The following IRX1 variants were observed in gnomAD, a reference collection of about 807,000 sequenced individuals.
IRX1 encodes the protein iroquois-class homeodomain protein IRX-1.
In IRX1, 22 loss-of-function variants were observed where a neutral mutation model predicts 34.1. The ratio of observed to expected loss-of-function variants is 0.64; its 90% CI spans 0.46 to 0.92. The LOEUF (loss-of-function observed/expected upper bound fraction) is 0.92, where lower values mean the gene tolerates loss of function less well. Among genes scored for constraint, IRX1 ranks in the 40% least tolerant of loss-of-function variants. IRX1 has a pLI of 0.00. For synonymous variants in IRX1, 363 were observed against 319.0 expected, an observed-to-expected ratio of 1.14 and a Z score of -1.47; for missense variants, 758 against 680.0, an observed-to-expected ratio of 1.11 and a Z score of -1.28.
At position 3,599,226 on chromosome 5, in the gene IRX1, G is replaced by A. The variant is rs772362933; in HGVS notation, c.278G>A (p.Gly93Asp). 1.2e-6 allele frequency: 2 copies of A among 1,611,126 alleles called. No homozygotes were observed. The highest frequency in any genetic ancestry group is 1.1e-5 in the South Asian group (1 of 90,938). The change falls in exon 2 of 4, where the codon GGC becomes GAC. Residue 93 changes from glycine to aspartate, a missense_variant and splice_region_variant. Gly to Asp is a moderately conservative substitution (Grantham distance 94). Transcript: ENST00000302006. The surrounding 1 kb of genome is among the most constrained non-coding windows in gnomAD (Gnocchi z 6.6). ...GATGGATCTGCCCTGTGGCTTCAGG[G>A]CTCGCAGTATGAACTGAAGGACAAC... ...AADLSLFSQM[G>D]SQYELKDNPG... is the part of the protein sequence containing the mutation.
chr5:3,596,549 A>T (rs1743702391), intron 1 of IRX1, among the ~76,000 whole-genome samples, 168 bp downstream of exon 1: 2 of 151,370 alleles, frequency 1.3e-5, no homozygotes, highest in African/African-American at 4.9e-5. Context: ...CCGGGGACGC[A>T]AGAGGGCTGG....
Position 3,601,240 on chromosome 5 carries a change from C to G in IRX1, c.*200C>G. The G allele has an allele frequency of 1.7e-6, 1 of 603,944 alleles. No individual in the cohort carries two copies. Among genetic ancestry groups the G allele is most frequent in the Non-Finnish European group, 2.9e-6 (1 of 339,098 alleles). 37.4% of individuals were successfully genotyped at this position (603,944 alleles called of 1,614,324 possible). A position where few individuals can be genotyped will look rare whatever the true frequency, so the allele number is the denominator to read the frequency against. ...CGCGTCCAGGTGGCCAGGCCTCTGCCGGCGGCTCCAGTGGCTGCGATTATC... is the reference window on the plus strand; with the variant it reads ...CGCGTCCAGGTGGCCAGGCCTCTGCGGGCGGCTCCAGTGGCTGCGATTATC... On this transcript the variant is annotated 3_prime_UTR_variant, in exon 4 of 4. Coordinates refer to ENST00000302006, the MANE Select transcript of IRX1 (RefSeq NM_024337.4).
intron 2 of IRX1, 86 bp from the exon 3 acceptor site, chr5:3,600,523 A>T (rs1180547479): frequency 2.4e-6 from 3 of 1,264,160 alleles, no homozygotes; most frequent in Non-Finnish European, 3.4e-6. Flanking sequence ...CTGCCTGGGC[A>T]GCCGGCAGAA....
rs976102129 is a variant in IRX1 at position 3,600,239 on chromosome 5, C to T, written c.1291C>T (p.Arg431Cys). Residue 431 changes from arginine to cysteine, a missense_variant, in exon 2 of 4, where the codon CGC (arginine) becomes TGC (cysteine). Around this residue, in one of 3 missense-constraint regions of IRX1, gnomAD observed 529 missense variants for 418.8 expected, o/e 1.26. Coordinates refer to ENST00000302006, the MANE Select transcript of IRX1 (RefSeq NM_024337.4). ...ACTCAATGGAGACAAGGCCTCGGTC[C>T]GCAGCAGCCCCACGCTCCCAGGTAC... ...GALNGDKASV[R>C]SSPTLPERDL... 9 of 1,599,228 alleles carry T rather than the reference C, an allele frequency of 5.6e-6. No homozygotes were observed. The highest frequency in any genetic ancestry group is 5.0e-5 in the Admixed American group (3 of 59,458).
chr5:3,600,671 G>A lies in IRX1; in HGVS notation c.1375G>A (p.Val459Ile), dbSNP rs754244292. ...GCAGTTAAAGTCGCCCTTCCAGCCG[G>A]TACGCGACAAGTGAGTGCTGTTTGC... is the stretch of plus-strand genomic sequence containing the variant. ...AQQLKSPFQP[V>I]RDNSLAPQEG... The change falls in exon 3 of 4, where the codon GTA becomes ATA. Residue 459 changes from valine to isoleucine, a missense_variant. Around this residue, in one of 3 missense-constraint regions of IRX1, gnomAD observed 529 missense variants for 418.8 expected, o/e 1.26. Coordinates refer to ENST00000302006, the MANE Select transcript of IRX1 (RefSeq NM_024337.4). The A allele has an allele frequency of 1.6e-5, 25 of 1,612,490 alleles. No individual in the cohort carries two copies. The highest frequency in any genetic ancestry group is 2.1e-5 in the Non-Finnish European group (25 of 1,179,066).
chr5:3,600,180 C>T lies in IRX1; in HGVS notation c.1232C>T (p.Pro411Leu). 4 of 1,612,130 alleles carry T rather than the reference C, an allele frequency of 2.5e-6. No individual in the cohort carries two copies. In the South Asian group the frequency reaches 4.4e-5, roughly 18 times the overall value. Residue 411 changes from proline to leucine, a missense_variant, in exon 2 of 4, where the codon CCA becomes CTA. Physicochemically the swap from Pro to Leu is moderately conservative, Grantham distance 98 (BLOSUM62 -3). This residue lies in a region of IRX1 where 529 missense variants were observed against 418.8 expected (regional missense o/e 1.26). Transcript: ENST00000302006. The stretch of plus-strand genomic sequence containing the variant: ...GGCCCTCACCTTCCTGCACCTCCAC[C>T]ACCGCAGCCGCCGGTCGCTATTGCC... ...PHGPHLPAPPPPQPPVAIAPG... is the reference protein window; with the variant it reads ...PHGPHLPAPPLPQPPVAIAPG...
In IRX1 at chr5:3,596,075, G is replaced by A. The variant is rs1355747484; in HGVS notation, c.-31G>A. The stretch of plus-strand genomic sequence containing the variant: ...CTCCCTCCCCGCGCCTTTAATACTC[G>A]CCCGCTGCGGCGGTCGCCGAGTCCG... On this transcript the variant is annotated 5_prime_UTR_variant, in exon 1 of 4. Coordinates refer to ENST00000302006, the MANE Select transcript of IRX1 (RefSeq NM_024337.4). 1 of 1,056,890 alleles carries A rather than the reference G, an allele frequency of 9.5e-7. No individual in the cohort carries two copies. The highest frequency in any genetic ancestry group is 1.1e-6 in the Non-Finnish European group (1 of 875,880). 65.5% of individuals were successfully genotyped at this position (1,056,890 alleles called of 1,614,324 possible).
At position 3,601,064 on chromosome 5, in the gene IRX1, CGGGGGGGAGG is replaced by C; in HGVS notation, c.*29_*38del. On this transcript the variant is annotated 3_prime_UTR_variant, in exon 4 of 4. Transcript: ENST00000302006. Reference sequence around the variant, plus strand: ...GATTAAGGGTCTTCTTTTACTTTTGCGGGGGGGAGGGGGGAGGAGTTGGGGAGGGAGGGAA... The same window carrying C: ...GATTAAGGGTCTTCTTTTACTTTTGCGGGGAGGAGTTGGGGAGGGAGGGAA... 3.0e-6 allele frequency: 3 copies of C among 984,420 alleles called. No individual in the cohort carries two copies. Among genetic ancestry groups the C allele is most frequent in the Non-Finnish European group, 4.2e-6 (3 of 716,690 alleles). 61.0% of individuals were successfully genotyped at this position (984,420 alleles called of 1,614,324 possible).
In IRX1 at chr5:3,600,625, C is replaced by T; in HGVS notation, c.1329C>T (p.Pro443=). The T allele has an allele frequency of 6.2e-7, 1 of 1,613,762 alleles. No homozygotes were observed. Among genetic ancestry groups the T allele is most frequent in the Admixed American group, 1.7e-5 (1 of 60,022 alleles). The part of the protein sequence containing the change: ...SPTLPERDLV[P]RPDSPAQQLK... ...CTCTCGCAGAGAGAGACCTCGTCCCCAGGCCAGATTCGCCGGCACAGCAGT... is the reference window on the plus strand; with the variant it reads ...CTCTCGCAGAGAGAGACCTCGTCCCTAGGCCAGATTCGCCGGCACAGCAGT... The change falls in exon 3 of 4, where the codon CCC becomes CCT. Residue 443 remains proline (P), a synonymous_variant. Coordinates refer to ENST00000302006, the MANE Select transcript of IRX1 (RefSeq NM_024337.4).
At chr5:3,597,333 C>T (rs1733806357) in intron 1 of IRX1, among the ~76,000 whole-genome samples, 1 of 152,152 alleles carries the variant, frequency 6.6e-6, no homozygotes, top group Admixed American at 6.5e-5. Context: ...GTGAATTGTG[C>T]GGCGGGCGCG....
Position 3,600,653 on chromosome 5 carries a change from A to T in IRX1, c.1357A>T (p.Lys453Ter), listed in dbSNP as rs1223077677. 6.2e-7 allele frequency: 1 copy of T among 1,613,672 alleles called. No homozygotes were observed. The highest frequency in any genetic ancestry group is 8.5e-7 in the Non-Finnish European group (1 of 1,179,966). Residue 453 changes from lysine (K) to a stop codon, truncating the protein, a stop_gained, in exon 3 of 4, where the codon AAG (lysine) becomes TAG (stop). Coordinates refer to ENST00000302006, the MANE Select transcript of IRX1 (RefSeq NM_024337.4). LOFTEE classifies it high-confidence loss of function. ...GCCAGATTCGCCGGCACAGCAGTTA[A>T]AGTCGCCCTTCCAGCCGGTACGCGA... ...PRPDSPAQQL[K>*]SPFQPVRDNS...
chr5:3,597,017 G>C (rs1234221648), intron 1 of IRX1, among the ~76,000 whole-genome samples: 1 of 152,182 alleles, frequency 6.6e-6, no homozygotes, highest in Non-Finnish European at 1.5e-5. Flanking sequence ...TTAAGTTGCA[G>C]TAATGTGCTG....
chr5:3,596,463 A>C, intron 1 of IRX1, 82 bp downstream of exon 1: 1 of 1,301,132 alleles, frequency 7.7e-7, no homozygotes. Context: ...GGAGGGAGAG[A>C]CTACGGGTGG....
chr5:3,601,370 T>C lies in IRX1; in HGVS notation c.*330T>C. 1 of 363,904 alleles carries C rather than the reference T, an allele frequency of 2.7e-6. No individual in the cohort carries two copies. Among genetic ancestry groups the C allele is most frequent in the Non-Finnish European group, 5.1e-6 (1 of 196,188 alleles). The allele number at this position is 363,904 out of a possible 1,614,324, so 22.5% of individuals were successfully genotyped here. The stretch of plus-strand genomic sequence containing the variant: ...CGCGTCAGCGAACTTGTCTAAATCA[T>C]ATATTTTTGTCTAATAAACTAAATG... On this transcript the variant is annotated 3_prime_UTR_variant, in exon 4 of 4. Transcript: ENST00000302006.
rs766459829 is a variant in IRX1 at position 3,600,729 on chromosome 5, G to C, written c.1385+48G>C. Reference sequence around the variant, plus strand: ...ATGGGAGAAGGCGGTGGGGAGGGGGGAGGAGGAGTGGTCGGGACCCGGGCG... The same window carrying C: ...ATGGGAGAAGGCGGTGGGGAGGGGGCAGGAGGAGTGGTCGGGACCCGGGCG... On this transcript the variant is annotated intron_variant, in intron 3 of 3. Coordinates refer to ENST00000302006, the MANE Select transcript of IRX1 (RefSeq NM_024337.4). The C allele has an allele frequency of 5.9e-6, 9 of 1,517,032 alleles. No individual in the cohort carries two copies. In the East Asian group the frequency reaches 1.1e-4, roughly 19 times the overall value. The allele number at this position is 1,517,032 out of a possible 1,614,324, so 94.0% of individuals were successfully genotyped here.
Position 3,601,095 on chromosome 5 carries a change from G to A in IRX1, c.*55G>A. On this transcript the variant is annotated 3_prime_UTR_variant, in exon 4 of 4. Coordinates refer to ENST00000302006, the MANE Select transcript of IRX1 (RefSeq NM_024337.4). ...GGAGGGGGGAGGAGTTGGGGAGGGA[G>A]GGAATGTGGGAGGAATTAAGACAAA... 4 of 1,395,234 alleles carry A rather than the reference G, an allele frequency of 2.9e-6. No homozygotes were observed. The highest frequency in any genetic ancestry group is 1.2e-5 in the South Asian group (1 of 85,912). The allele number at this position is 1,395,234 out of a possible 1,614,324, so 86.4% of individuals were successfully genotyped here. A position where few individuals can be genotyped will look rare whatever the true frequency, so the allele number is the denominator to read the frequency against.
At chr5:3,600,879 C>T in intron 3 of IRX1, 104 bp from the exon 4 acceptor site, 2 of 1,312,260 alleles carry the variant, frequency 1.5e-6, no homozygotes, top group Non-Finnish European at 1.1e-6. Flanking sequence ...CGCTGGCTGT[C>T]GACCCCGCCC....
Position 3,601,273 on chromosome 5 carries a change from G to T in IRX1, c.*233G>T. The T allele has an allele frequency of 3.4e-6, 2 of 579,914 alleles. No individual in the cohort carries two copies. The highest frequency in any genetic ancestry group is 5.8e-5 in the East Asian group (2 of 34,618). The allele number at this position is 579,914 out of a possible 1,614,324, so 35.9% of individuals were successfully genotyped here. The stretch of plus-strand genomic sequence containing the variant: ...CCAGTGGCTGCGATTATCGGGTTCG[G>T]TAAATGCCCCCACGTGCTTGTGTCT... On this transcript the variant is annotated 3_prime_UTR_variant, in exon 4 of 4. Coordinates refer to ENST00000302006, the MANE Select transcript of IRX1 (RefSeq NM_024337.4).
At position 3,601,233 on chromosome 5, in the gene IRX1, C is replaced by A; in HGVS notation, c.*193C>A. The A allele has an allele frequency of 1.6e-6, 1 of 612,142 alleles. No homozygotes were observed. The highest frequency in any genetic ancestry group is 1.9e-5 in the South Asian group (1 of 51,422). 37.9% of individuals were successfully genotyped at this position (612,142 alleles called of 1,614,324 possible). The stretch of plus-strand genomic sequence containing the variant: ...CCGAGCTCGCGTCCAGGTGGCCAGG[C>A]CTCTGCCGGCGGCTCCAGTGGCTGC... On this transcript the variant is annotated 3_prime_UTR_variant, in exon 4 of 4. Transcript: ENST00000302006.
Sources: allele counts gnomAD v4.1 joint callset (sites outside exome capture counted in the v4.1 genomes callset), GRCh38; gene constraint gnomAD v4.1.1; regional missense constraint gnomAD v4.1.1; non-coding constraint Gnocchi (gnomAD v3.1); transcripts MANE v1.5; gene names NCBI Gene and HGNC (gene_info 2026-07-23, HGNC 2026-07-21).